WWOX: variants seen among roughly 807,000 people sequenced by gnomAD.
WWOX encodes WW domain-containing oxidoreductase.
In WWOX, 69 loss-of-function variants were observed where a neutral mutation model predicts 46.2. That is an observed-to-expected ratio of 1.49 (90% CI 1.23 to 1.82). The LOEUF (loss-of-function observed/expected upper bound fraction) is 1.82, where lower values mean the gene tolerates loss of function less well. Ranked by LOEUF, WWOX falls within the 40% of genes most tolerant of loss-of-function variation. The pLI, the probability that WWOX is intolerant of heterozygous loss-of-function variation, is 0.00. For synonymous variants in WWOX, 359 were observed against 202.6 expected (o/e 1.77, Z -6.56); for missense variants, 919 against 542.6 (o/e 1.69, Z -6.89).
chr16:79,103,255 C>A (rs532775651), intron 8 of WWOX, among the ~76,000 whole-genome samples: 1 of 152,204 alleles, frequency 6.6e-6, no homozygotes, highest in African/African-American at 2.4e-5. Flanking sequence ...GAAAGGTTTT[C>A]TGAAGAGGCA....
intron 8 of WWOX, among the ~76,000 whole-genome samples, chr16:78,473,264 G>A (rs1268042439): frequency 6.6e-6 from 1 of 152,142 alleles, no homozygotes; most frequent in Non-Finnish European, 1.5e-5. Context: ...CAAGTGGCTT[G>A]GAGTATAGAC....
At chr16:78,800,533 C>T (rs2050859556) in intron 8 of WWOX, among the ~76,000 whole-genome samples, 1 of 152,108 alleles carries the variant, frequency 6.6e-6, no homozygotes, top group Non-Finnish European at 1.5e-5. Flanking sequence ...CCTATATGGT[C>T]ATAATTAGCC....
chr16:78,819,255 G>T (rs982079413), intron 8 of WWOX, among the ~76,000 whole-genome samples: 6 of 152,160 alleles, frequency 3.9e-5, no homozygotes, highest in Non-Finnish European at 8.8e-5. Flanking sequence ...TGAGGCAGCA[G>T]GTGGGACTTG....
intron 5 of WWOX, among the ~76,000 whole-genome samples, chr16:78,217,377 G>C (rs919395928): frequency 3.3e-5 from 5 of 152,212 alleles, no homozygotes; most frequent in African/African-American, 1.2e-4. Flanking sequence ...ACTCTGGTGT[G>C]GGGAAAATGC....
chr16:78,195,811 G>A (rs996616300), intron 5 of WWOX, among the ~76,000 whole-genome samples: 1 of 107,182 alleles, frequency 9.3e-6, no homozygotes, highest in Admixed American at 1.4e-4. Flanking sequence ...GACAGAGCAA[G>A]ACTCTGCCTC....
chr16:78,857,480 A>G (rs770284776), intron 8 of WWOX, among the ~76,000 whole-genome samples: 18 of 152,170 alleles, frequency 1.2e-4, no homozygotes, highest in Non-Finnish European at 2.6e-4. Context: ...CATTCCTGAT[A>G]AATTGCTTAA....
At position 78,613,953 on chromosome 16, in the gene WWOX, G is replaced by C. The variant is rs553431337; in HGVS notation, c.1056+181201G>C. Among the ~76,000 whole-genome samples, 20 of 152,264 alleles carry C rather than the reference G, an allele frequency of 1.3e-4. No individual in the cohort carries two copies. The South Asian group carries it at 2.5e-3, about 19-fold the overall frequency. Reference sequence around the variant, plus strand: ...TATACAGCTGTACCTGTTGGTTTACGTACTGCGATGGCTGCTTTCAGCTAC... The same window carrying C: ...TATACAGCTGTACCTGTTGGTTTACCTACTGCGATGGCTGCTTTCAGCTAC... On this transcript the variant is annotated intron_variant, in intron 8 of 8. Transcript: ENST00000566780.
chr16:78,901,328 A>G (rs2044826248), intron 8 of WWOX, among the ~76,000 whole-genome samples: 1 of 152,260 alleles, frequency 6.6e-6, no homozygotes. Context: ...AAGCTTTAGA[A>G]TATCCAACAC....
At chr16:78,207,776 AAAAG>A (rs1285719275) in intron 5 of WWOX, among the ~76,000 whole-genome samples, 2 of 151,884 alleles carry the variant, frequency 1.3e-5, no homozygotes, top group Non-Finnish European at 2.9e-5. Flanking sequence ...AAAAAAAAAA[AAAAG>A]GGTCTGTTAT....
chr16:78,675,289 C>A (rs1454408179), intron 8 of WWOX, among the ~76,000 whole-genome samples: 1 of 152,078 alleles, frequency 6.6e-6, no homozygotes, highest in Non-Finnish European at 1.5e-5. Flanking sequence ...TAAGCTACAG[C>A]TGTAATTGAG....
chr16:79,097,989 T>G (rs553162468), intron 8 of WWOX, among the ~76,000 whole-genome samples: 1 of 152,274 alleles, frequency 6.6e-6, no homozygotes, highest in South Asian at 2.1e-4. Context: ...TTTAAAACCA[T>G]ATCCCAGTGG....
intron 6 of WWOX, among the ~76,000 whole-genome samples, chr16:78,406,117 C>G (rs1042801679): frequency 6.6e-6 from 1 of 151,530 alleles, no homozygotes; most frequent in African/African-American, 2.4e-5. Context: ...TATTGTGTAT[C>G]TTGCAGTCTT....
intron 8 of WWOX, among the ~76,000 whole-genome samples, chr16:78,433,019 T>G (rs1452039014): frequency 6.6e-6 from 1 of 151,828 alleles, no homozygotes; most frequent in Non-Finnish European, 1.5e-5. Context: ...TGGTGATTTT[T>G]TTGTTTGTTT....
At chr16:78,602,335 C>T (rs531936153) in intron 8 of WWOX, among the ~76,000 whole-genome samples, 2 of 152,228 alleles carry the variant, frequency 1.3e-5, no homozygotes, top group Admixed American at 6.5e-5. Flanking sequence ...TAGGTTCCAG[C>T]GATTCTCCTG....
chr16:78,811,256 C>T (rs969356547), intron 8 of WWOX, among the ~76,000 whole-genome samples: 1 of 152,290 alleles, frequency 6.6e-6, no homozygotes, highest in Admixed American at 6.5e-5. Context: ...TATTATTCTG[C>T]AATTGCTGAG....
chr16:78,634,030 G>C (rs1031457248), intron 8 of WWOX, among the ~76,000 whole-genome samples: 6 of 152,082 alleles, frequency 3.9e-5, no homozygotes, highest in African/African-American at 7.2e-5. Flanking sequence ...CTGACAGCCA[G>C]CTGTGGGGTT....
At chr16:79,201,668 C>T (rs1037807974) in intron 8 of WWOX, among the ~76,000 whole-genome samples, 1 of 152,104 alleles carries the variant, frequency 6.6e-6, no homozygotes, top group African/African-American at 2.4e-5. Context: ...CCATGGATAC[C>T]TGAGGTAATA....
Position 78,349,982 on chromosome 16 carries a change from A to G in WWOX, c.517-36878A>G, listed in dbSNP as rs1395545188. On this transcript the variant is annotated intron_variant, in intron 5 of 8. Coordinates refer to ENST00000566780, the MANE Select transcript of WWOX (RefSeq NM_016373.4). ...ATGCCCATACCATACATATGCCTGC[A>G]TTTGTACACTCTTAAGCCAAATAAC... Among the ~76,000 whole-genome samples, 11 of 121,360 alleles carry G rather than the reference A, an allele frequency of 9.1e-5. 2 individuals are homozygous for G. The highest frequency in any genetic ancestry group is 7.2e-4 in the Admixed American group (9 of 12,478). 79.6% of individuals were successfully genotyped at this position (121,360 alleles called of 152,430 possible).
chr16:79,053,015 A>G (rs2550678), intron 8 of WWOX, among the ~76,000 whole-genome samples: 77,494 of 144,538 alleles, frequency 0.54, 21,227 homozygotes, highest in African/African-American at 0.56. Context: ...TGGCAAAAGC[A>G]GGTGGGAACA....
Sources: allele counts gnomAD v4.1 joint callset (sites outside exome capture counted in the v4.1 genomes callset), GRCh38; gene constraint gnomAD v4.1.1; transcripts MANE v1.5; gene names NCBI Gene and HGNC (gene_info 2026-07-23, HGNC 2026-07-21).